The following ZNF557 variants were observed in gnomAD, a reference collection of about 807,000 sequenced individuals.
The protein encoded by ZNF557 is CTB-25J19.9.
ZNF557 carries 19 observed loss-of-function variants against 21.2 expected under a neutral mutation model. The observed-to-expected ratio is 0.90, with a 90% confidence interval of 0.63 to 1.32. The LOEUF (loss-of-function observed/expected upper bound fraction) is 1.32, where lower values mean the gene tolerates loss of function less well. Ranked by LOEUF, ZNF557 falls within the 40% of genes most tolerant of loss-of-function variation. The probability of loss-of-function intolerance (pLI) is 0.00; values close to 1 mark genes in which losing one functional copy is unlikely to be tolerated. For synonymous variants in ZNF557, 207 were observed against 194.8 expected, an observed-to-expected ratio of 1.06 and a Z score of -0.52; for missense variants, 487 against 519.8, an observed-to-expected ratio of 0.94 and a Z score of 0.61.
chr19:7,079,536 G>A (rs575722460), intron 5 of ZNF557, among the ~76,000 whole-genome samples: 107 of 152,036 alleles, frequency 7.0e-4, no homozygotes, highest in Non-Finnish European at 1.1e-3. Flanking sequence ...CACCGCGCCC[G>A]GCCCATTTTT....
Position 7,082,993 on chromosome 19 carries a change from G to A in ZNF557, c.542G>A (p.Gly181Asp), listed in dbSNP as rs865934650. Residue 181 changes from glycine to aspartate, a missense_variant, in exon 8 of 8, where the codon GGC becomes GAC. Coordinates refer to ENST00000252840, the MANE Select transcript of ZNF557 (RefSeq NM_024341.3). Reference protein sequence around the residue: ...RKIHTGERPYGCSECGKSYSS... With the variant: ...RKIHTGERPYDCSECGKSYSS... The stretch of plus-strand genomic sequence containing the variant: ...ATTCATACTGGAGAAAGACCCTATG[G>A]CTGCAGTGAATGTGGGAAATCCTAC... 6.2e-7 allele frequency: 1 copy of A among 1,614,098 alleles called. No individual in the cohort carries two copies. The highest frequency in any genetic ancestry group is 8.5e-7 in the Non-Finnish European group (1 of 1,180,004).
intron 1 of ZNF557, among the ~76,000 whole-genome samples, chr19:7,070,174 C>G (rs1236202798): frequency 6.6e-6 from 1 of 152,184 alleles, no homozygotes; most frequent in Non-Finnish European, 1.5e-5. Context: ...GGAAACCCTG[C>G]TGGAGGGCAT....
chr19:7,083,008 G>T lies in ZNF557; in HGVS notation c.557G>T (p.Gly186Val), dbSNP rs1977746418. ...GERPYGCSEC[G>V]KSYSSRSYLA... ...AGACCCTATGGCTGCAGTGAATGTGGGAAATCCTACAGCAGTAGATCTTAC... is the reference window on the plus strand; with the variant it reads ...AGACCCTATGGCTGCAGTGAATGTGTGAAATCCTACAGCAGTAGATCTTAC... Residue 186 changes from glycine to valine, a missense_variant, in exon 8 of 8, where the codon GGG (glycine) becomes GTG (valine). Transcript: ENST00000252840. The T allele has an allele frequency of 1.2e-6, 2 of 1,614,006 alleles. No homozygotes were observed. Among genetic ancestry groups the T allele is most frequent in the South Asian group, 1.1e-5 (1 of 91,086 alleles).
Position 7,083,721 on chromosome 19 carries a change from A to G in ZNF557, c.1270A>G (p.Arg424Gly). ...TSNSYLSVHT[R>G]MHNRQM ...TAACTCCTACCTTTCTGTGCATACG[A>G]GAATGCATAATAGGCAAATGTGAAT... Residue 424 changes from arginine (R) to glycine (G), a missense_variant, in exon 8 of 8, where the codon AGA becomes GGA. By Grantham distance (125) the Arg-to-Gly change is moderately radical. Transcript: ENST00000252840. 1.9e-6 allele frequency: 3 copies of G among 1,608,558 alleles called. No individual in the cohort carries two copies. The highest frequency in any genetic ancestry group is 1.7e-6 in the Non-Finnish European group (2 of 1,176,842).
At chr19:7,081,541 A>G (rs191229532) in intron 6 of ZNF557, 86 bp downstream of exon 6, 29 of 922,808 alleles carry the variant, frequency 3.1e-5, no homozygotes, top group Middle Eastern at 4.4e-4. Context: ...ACATTAGGAA[A>G]TATCAGTCAG....
rs776419892 is a variant in ZNF557, at chr19:7,081,473, A to G, written c.343+18A>G. On this transcript the variant is annotated intron_variant, in intron 6 of 7. Transcript: ENST00000252840. ...CTGTCCAGGTGAGCACCAGGTGGATATAAGTCCTTGTGAGGAACAGCTCTG... is the reference window on the plus strand; with the variant it reads ...CTGTCCAGGTGAGCACCAGGTGGATGTAAGTCCTTGTGAGGAACAGCTCTG... 3.8e-6 allele frequency: 6 copies of G among 1,566,082 alleles called. No homozygotes were observed. Among genetic ancestry groups the G allele is most frequent in the Admixed American group, 1.7e-5 (1 of 59,318 alleles).
chr19:7,081,794 T>A (rs1034034381), intron 6 of ZNF557, among the ~76,000 whole-genome samples, 176 bp from the exon 7 acceptor site: 1 of 152,102 alleles, frequency 6.6e-6, no homozygotes, highest in Non-Finnish European at 1.5e-5. Flanking sequence ...CTTCCTAGAG[T>A]CTTTCTTAAA....
chr19:7,084,152 TA>T lies in ZNF557; in HGVS notation c.*411del. 5.3e-6 allele frequency: 1 copy of T among 188,274 alleles called. No homozygotes were observed. Among genetic ancestry groups the T allele is most frequent in the Non-Finnish European group, 1.1e-5 (1 of 89,910 alleles). The allele number at this position is 188,274 out of a possible 1,614,324, so 11.7% of individuals were successfully genotyped here. ...CAACTTCTCCCCAAAGCCAGTGATC[TA>T]AAGGAGCCAACACAGAAAGCATAAT... is the stretch of plus-strand genomic sequence containing the variant. On this transcript the variant is annotated 3_prime_UTR_variant, in exon 8 of 8. Transcript: ENST00000252840.
chr19:7,080,971 C>T (rs1278608650), intron 5 of ZNF557, among the ~76,000 whole-genome samples: 1 of 152,070 alleles, frequency 6.6e-6, no homozygotes, highest in Non-Finnish European at 1.5e-5. Context: ...AACAGACATG[C>T]CCCCCACCCT....
rs10641888 is a variant in ZNF557 at position 7,082,421 on chromosome 19, C to CAAAAAAAA, written c.426+381_426+388dup. ...CTGGCGACAGAGCAAGACTCTGTCT[C>CAAAAAAAA]AAAAAAAAAAAAAAAAAAAGTGGCT... On this transcript the variant is annotated intron_variant, in intron 7 of 7. Transcript: ENST00000252840. 1.8e-5 allele frequency among the ~76,000 whole-genome samples: 2 copies of CAAAAAAAA among 108,396 alleles called. 1 individual carries two copies. Among genetic ancestry groups the CAAAAAAAA allele is most frequent in the African/African-American group, 7.4e-5 (2 of 27,166 alleles). The allele number at this position is 108,396 out of a possible 152,430, so 71.1% of individuals were successfully genotyped here.
chr19:7,071,799 C>CAAAAAAAA (rs71177147), intron 2 of ZNF557, among the ~76,000 whole-genome samples: 2 of 55,024 alleles, frequency 3.6e-5, no homozygotes, highest in Non-Finnish European at 6.2e-5. Flanking sequence ...GACTGCATCT[C>CAAAAAAAA]AAAAAAAAAA....
Position 7,083,074 on chromosome 19 carries a change from A to G in ZNF557, c.623A>G (p.Tyr208Cys), listed in dbSNP as rs1408332061. ...HKRIHNGEKP[Y>C]ECNDCGKTFS... ...AGAATCCACAATGGGGAGAAACCCTATGAATGCAATGACTGTGGGAAAACC... is the reference window on the plus strand; with the variant it reads ...AGAATCCACAATGGGGAGAAACCCTGTGAATGCAATGACTGTGGGAAAACC... The change falls in exon 8 of 8, where the codon TAT becomes TGT. Residue 208 changes from tyrosine to cysteine, a missense_variant. Transcript: ENST00000252840. 6.2e-7 allele frequency: 1 copy of G among 1,614,138 alleles called. No homozygotes were observed. Among genetic ancestry groups the G allele is most frequent in the Non-Finnish European group, 8.5e-7 (1 of 1,179,980 alleles).
chr19:7,083,345 A>G lies in ZNF557; in HGVS notation c.894A>G (p.Gly298=), dbSNP rs1977760947. The G allele has an allele frequency of 6.2e-7, 1 of 1,614,222 alleles. No individual in the cohort carries two copies. ...GEGHYVCNQC[G]KAFGTRSSLS... is the part of the protein sequence containing the mutation. ...GTCATTATGTATGTAATCAGTGTGGAAAGGCTTTCGGCACGAGGTCATCTC... is the reference window on the plus strand; with the variant it reads ...GTCATTATGTATGTAATCAGTGTGGGAAGGCTTTCGGCACGAGGTCATCTC... The change falls in exon 8 of 8, where the codon GGA becomes GGG. Residue 298 remains glycine (G), a synonymous_variant. Coordinates refer to ENST00000252840, the MANE Select transcript of ZNF557 (RefSeq NM_024341.3).
At position 7,084,811 on chromosome 19, in the gene ZNF557, T is replaced by G. The variant is rs2145179700; in HGVS notation, c.*1067T>G. 6.6e-6 allele frequency: 1 copy of G among 152,272 alleles called. No individual in the cohort carries two copies. The allele number at this position is 152,272 out of a possible 1,614,324, so 9.4% of individuals were successfully genotyped here. A position where few individuals can be genotyped will look rare whatever the true frequency, so the allele number is the denominator to read the frequency against. On this transcript the variant is annotated 3_prime_UTR_variant, in exon 8 of 8. Transcript: ENST00000252840. ...ATCTACTGGGGAGCTGCCCAGGTAATGCAGTAGCTGTAGGAAAGCCTTCAG... is the reference window on the plus strand; with the variant it reads ...ATCTACTGGGGAGCTGCCCAGGTAAGGCAGTAGCTGTAGGAAAGCCTTCAG...
intron 2 of ZNF557, among the ~76,000 whole-genome samples, chr19:7,072,029 T>A (rs1330620667): frequency 7.4e-6 from 1 of 135,768 alleles, no homozygotes; most frequent in Non-Finnish European, 1.5e-5. Context: ...GGCAAGGGAA[T>A]GGCATAAACC....
chr19:7,079,396 C>T (rs1417917691), intron 5 of ZNF557, among the ~76,000 whole-genome samples: 1 of 146,732 alleles, frequency 6.8e-6, no homozygotes, highest in Admixed American at 6.9e-5. Context: ...CGCCCACCAC[C>T]ACGCCTCGCT....
chr19:7,073,276 A>C (rs1977504387), intron 2 of ZNF557, among the ~76,000 whole-genome samples: 1 of 149,028 alleles, frequency 6.7e-6, no homozygotes, highest in South Asian at 2.1e-4. Context: ...TCATCCTCCC[A>C]AGTAGCTGGG....
chr19:7,081,572 T>C, intron 6 of ZNF557, 117 bp downstream of exon 6: 4 of 728,998 alleles, frequency 5.5e-6, no homozygotes, highest in Non-Finnish European at 9.1e-6. Flanking sequence ...AAATGCCCCT[T>C]TTCCCAAGAA....
intron 5 of ZNF557, among the ~76,000 whole-genome samples, chr19:7,079,240 C>CTTTTTTTTTTTT (rs71177151): frequency 3.4e-5 from 3 of 87,496 alleles, no homozygotes; most frequent in Non-Finnish European, 6.8e-5. Context: ...TTTTTTGTTT[C>CTTTTTTTTTTTT]TTTTTTTTTT....
Sources: allele counts gnomAD v4.1 joint callset (sites outside exome capture counted in the v4.1 genomes callset), GRCh38; gene constraint gnomAD v4.1.1; transcripts MANE v1.5; gene names NCBI Gene and HGNC (gene_info 2026-07-23, HGNC 2026-07-21).